ATL1: variants seen among roughly 807,000 people sequenced by gnomAD.
The protein encoded by ATL1 is atlastin-1.
Under a neutral mutation model 75.5 loss-of-function variants are expected in ATL1, and 31 were observed. The observed-to-expected ratio is 0.41, with a 90% CI of 0.31 to 0.55. ATL1 has a LOEUF of 0.55. ATL1 is among the 20% of genes least tolerant of loss of function. ATL1 has a pLI of 0.27. For synonymous variants in ATL1, 226 were observed against 233.3 expected (o/e 0.97, Z 0.28); for missense variants, 405 against 662.6 (o/e 0.61, Z 4.27).
At chr14:50,596,283 A>G (rs2039216126) in intron 6 of ATL1, among the ~76,000 whole-genome samples, 1 of 152,194 alleles carries the variant, frequency 6.6e-6, no homozygotes, top group Non-Finnish European at 1.5e-5. Flanking sequence ...AGCCTGGGCA[A>G]CATAGTGAGA....
chr14:50,606,603 G>A (rs952348172), intron 6 of ATL1, among the ~76,000 whole-genome samples: 3 of 152,026 alleles, frequency 2.0e-5, no homozygotes, highest in Non-Finnish European at 4.4e-5. Flanking sequence ...ACCTAAGGCA[G>A]AATTTGATTA....
At chr14:50,624,792 G>A (rs972006190) in intron 11 of ATL1, among the ~76,000 whole-genome samples, 3 of 152,016 alleles carry the variant, frequency 2.0e-5, no homozygotes, top group African/African-American at 7.2e-5. Context: ...ACTCCAGGCT[G>A]GGCCCAGTGG....
chr14:50,627,865 A>G (rs991249764), intron 11 of ATL1, among the ~76,000 whole-genome samples, 166 bp from the exon 12 acceptor site: 1 of 152,218 alleles, frequency 6.6e-6, no homozygotes, highest in Non-Finnish European at 1.5e-5. Context: ...ATTTATAGTC[A>G]TGCCTCGTGG....
Position 50,590,968 on chromosome 14 carries a change from A to G in ATL1, c.310A>G (p.Asn104Asp), listed in dbSNP as rs1186067617. 1 of 1,613,830 alleles carries G rather than the reference A, an allele frequency of 6.2e-7. No individual in the cohort carries two copies. Among genetic ancestry groups the G allele is most frequent in the African/African-American group, 1.3e-5 (1 of 74,934 alleles). ...QESVDWVGDY[N>D]EPLTGFSWRG... ...ATCAGTTGATTGGGTTGGAGACTAC[A>G]ATGAACCATTGACTGGTTTTTCATG... The change falls in exon 3 of 14, where the codon AAT becomes GAT. Residue 104 changes from asparagine to aspartate, a missense_variant. Physicochemically the swap from Asn to Asp is conservative, Grantham distance 23. Transcript: ENST00000358385.
intron 1 of ATL1, among the ~76,000 whole-genome samples, chr14:50,554,970 T>C (rs1010167554): frequency 6.6e-6 from 1 of 152,254 alleles, no homozygotes; most frequent in Non-Finnish European, 1.5e-5. Context: ...TATTTTCCAA[T>C]GTCTATTTCC....
At chr14:50,585,478 T>A (rs1471579883) in intron 1 of ATL1, among the ~76,000 whole-genome samples, 2 of 152,196 alleles carry the variant, frequency 1.3e-5, no homozygotes. Flanking sequence ...TCAAATAAAA[T>A]ATGTATTTGC....
intron 1 of ATL1, among the ~76,000 whole-genome samples, chr14:50,562,025 G>A (rs1248209032): frequency 2.0e-5 from 3 of 151,946 alleles, no homozygotes; most frequent in Non-Finnish European, 4.4e-5. Flanking sequence ...GATCATTATT[G>A]CGCAGAATTT....
At chr14:50,587,247 C>T (rs568630188) in intron 1 of ATL1, among the ~76,000 whole-genome samples, 2 of 152,268 alleles carry the variant, frequency 1.3e-5, no homozygotes, top group African/African-American at 2.4e-5. Flanking sequence ...GATTTTCTTT[C>T]TGACTCAGCA....
chr14:50,628,280 A>G lies in ATL1; in HGVS notation c.1369A>G (p.Ile457Val). 9 of 1,614,208 alleles carry G rather than the reference A, an allele frequency of 5.6e-6. No individual in the cohort carries two copies. Among genetic ancestry groups the G allele is most frequent in the Non-Finnish European group, 7.6e-6 (9 of 1,180,032 alleles). The change falls in exon 12 of 14, where the codon ATC (isoleucine) becomes GTC (valine). Residue 457 changes from isoleucine to valine, a missense_variant. Coordinates refer to ENST00000358385, the MANE Select transcript of ATL1 (RefSeq NM_015915.5). ...AGCCACACTGTTTGTAGTCATCTTTATCACATATGTGATTGCTGGTGTGAC... is the reference window on the plus strand; with the variant it reads ...AGCCACACTGTTTGTAGTCATCTTTGTCACATATGTGATTGCTGGTGTGAC... ...TPATLFVVIFITYVIAGVTGF... is the reference protein window; with the variant it reads ...TPATLFVVIFVTYVIAGVTGF...
At position 50,632,300 on chromosome 14, in the gene ATL1, G is replaced by A. The variant is rs141471168; in HGVS notation, c.1638G>A (p.Lys546=). 2 of 1,613,480 alleles carry A rather than the reference G, an allele frequency of 1.2e-6. No homozygotes were observed. The highest frequency in any genetic ancestry group is 4.5e-5 in the East Asian group (2 of 44,792). Residue 546 remains lysine (K), a synonymous_variant, in exon 14 of 14, where the codon AAG becomes AAA. Transcript: ENST00000358385. ...ATCATCAAGCTTTCCCTACACCAAA[G>A]TCGGAATCTACTGAACAATCAGAAA... The part of the protein sequence containing the change: ...HLYHQAFPTP[K]SESTEQSEKK...
intron 1 of ATL1, among the ~76,000 whole-genome samples, chr14:50,544,778 T>G (rs2038606857): frequency 6.6e-6 from 1 of 150,718 alleles, no homozygotes; most frequent in East Asian, 1.9e-4. Context: ...TACTGAAAGT[T>G]GGGAAAAAAT....
intron 1 of ATL1, among the ~76,000 whole-genome samples, chr14:50,552,464 G>A (rs188414327): frequency 3.9e-5 from 6 of 152,270 alleles, no homozygotes; most frequent in Admixed American, 2.0e-4. Context: ...CAGATGCAAT[G>A]CAATTCCCAT....
chr14:50,563,037 C>T (rs2140177747), intron 1 of ATL1, among the ~76,000 whole-genome samples: 1 of 152,298 alleles, frequency 6.6e-6, no homozygotes, highest in Admixed American at 6.5e-5. Flanking sequence ...ACCCAGGATT[C>T]CTGCTCTGGC....
chr14:50,591,730 CAG>C (rs2039160810), intron 4 of ATL1, 91 bp downstream of exon 4: 5 of 921,906 alleles, frequency 5.4e-6, no homozygotes, highest in Non-Finnish European at 8.7e-6. Context: ...AGATAAACAA[CAG>C]AAATTGGGAA....
At chr14:50,577,705 C>G (rs1414104058) in intron 1 of ATL1, among the ~76,000 whole-genome samples, 1 of 152,150 alleles carries the variant, frequency 6.6e-6, no homozygotes, top group Non-Finnish European at 1.5e-5. Context: ...AATCTACTTT[C>G]TGTTTCTATA....
intron 1 of ATL1, among the ~76,000 whole-genome samples, chr14:50,545,938 G>T (rs930657120): frequency 5.9e-5 from 9 of 152,162 alleles, no homozygotes; most frequent in African/African-American, 2.2e-4. Flanking sequence ...TAGTTCATCA[G>T]ATCTTCTGAA....
At chr14:50,589,441 A>G (rs1202274008) in intron 2 of ATL1, among the ~76,000 whole-genome samples, 1 of 152,124 alleles carries the variant, frequency 6.6e-6, no homozygotes, top group Non-Finnish European at 1.5e-5. Flanking sequence ...TACAGACATG[A>G]GCCACCATGC....
rs1279134889 is a variant in ATL1, at chr14:50,631,814, A to G, written c.1567-415A>G. Reference sequence around the variant, plus strand: ...ATGGAGAATAAAATTGGCCCCACTCAGGAAAACACTGGAAGCCCAGAAAGC... The same window carrying G: ...ATGGAGAATAAAATTGGCCCCACTCGGGAAAACACTGGAAGCCCAGAAAGC... On this transcript the variant is annotated intron_variant, in intron 13 of 13. Transcript: ENST00000358385. 5.3e-5 allele frequency among the ~76,000 whole-genome samples: 8 copies of G among 152,332 alleles called. No homozygotes were observed. The South Asian group carries it at 8.3e-4, about 16-fold the overall frequency.
chr14:50,602,147 A>C (rs2039277339), intron 6 of ATL1, among the ~76,000 whole-genome samples: 1 of 152,166 alleles, frequency 6.6e-6, no homozygotes. Context: ...CTGCTTATCA[A>C]CACCAAGCAA....
Sources: gnomAD v4.1 joint callset for allele counts (sites outside exome capture counted in the v4.1 genomes callset) on GRCh38, gnomAD v4.1.1 for gene constraint, MANE v1.5 for transcripts, NCBI Gene and HGNC (gene_info 2026-07-23, HGNC 2026-07-21) for gene names.